CHRM3: variants seen among roughly 807,000 people sequenced by gnomAD.
The protein encoded by CHRM3 is cholinergic receptor muscarinic 3.
A neutral mutation model predicts 41.8 loss-of-function variants in CHRM3; 11 were observed. The ratio of observed to expected loss-of-function variants is 0.26; its 90% CI spans 0.17 to 0.44. The LOEUF (loss-of-function observed/expected upper bound fraction) is 0.44. Among genes scored for constraint, CHRM3 ranks in the 20% least tolerant of loss-of-function variants. The probability of loss-of-function intolerance (pLI) is 1.00; values close to 1 mark genes in which losing one functional copy is unlikely to be tolerated. For missense variants in CHRM3, 571 were observed against 745.4 expected (o/e 0.77, Z 2.72); for synonymous variants, 297 against 301.4 (o/e 0.99, Z 0.15).
chr1:239,549,403 A>G (rs1191469611), intron 3 of CHRM3, among the ~76,000 whole-genome samples: 1 of 151,624 alleles, frequency 6.6e-6, no homozygotes, highest in Non-Finnish European at 1.5e-5. Flanking sequence ...TAATCCCAGC[A>G]CTTTGGGAGG....
At chr1:239,605,294 T>C (rs561754929) in intron 3 of CHRM3, among the ~76,000 whole-genome samples, 108 of 152,282 alleles carry the variant, frequency 7.1e-4, no homozygotes, top group African/African-American at 2.5e-3. Flanking sequence ...GTATCTTTTA[T>C]ATGTTTAGAT....
At position 239,548,384 on chromosome 1, in the gene CHRM3, A is replaced by G. The variant is rs150032048; in HGVS notation, c.-313+2635A>G. 1.3e-4 allele frequency among the ~76,000 whole-genome samples: 20 copies of G among 152,336 alleles called. No individual in the cohort carries two copies. The East Asian group carries it at 3.9e-3, about 29-fold the overall frequency. On this transcript the variant is annotated intron_variant, in intron 3 of 6. Coordinates refer to ENST00000676153, the MANE Select transcript of CHRM3 (RefSeq NM_001375978.1). ...TCCTTATAAACCATCTAAAACAATG[A>G]CAGCGTTTGGTTTGTCCAACTCTGT...
chr1:239,717,550 T>A (rs1018037304), intron 5 of CHRM3, among the ~76,000 whole-genome samples: 1 of 152,164 alleles, frequency 6.6e-6, no homozygotes, highest in Admixed American at 6.6e-5. Context: ...TATCAGTTGG[T>A]TACGGATTGG....
intron 6 of CHRM3, among the ~76,000 whole-genome samples, chr1:239,896,403 T>G (rs73114845): frequency 0.016 from 2,506 of 152,328 alleles, 77 homozygotes; most frequent in African/African-American, 0.057. Flanking sequence ...AAGAACCACA[T>G]CCCCAGTCTA....
intron 3 of CHRM3, among the ~76,000 whole-genome samples, chr1:239,600,731 C>T (rs1665416409): frequency 1.3e-5 from 2 of 150,740 alleles, no homozygotes; most frequent in Non-Finnish European, 3.0e-5. Context: ...CTTCTTCCCT[C>T]CCTCCTTCCC....
chr1:239,576,077 T>C (rs1462909096), intron 3 of CHRM3, among the ~76,000 whole-genome samples: 2 of 152,154 alleles, frequency 1.3e-5, no homozygotes, highest in Non-Finnish European at 2.9e-5. Context: ...TATTTGGCCT[T>C]TTGCAGCTTG....
intron 1 of CHRM3, among the ~76,000 whole-genome samples, chr1:239,479,258 A>G (rs2147989834): frequency 6.6e-6 from 1 of 152,020 alleles, no homozygotes; most frequent in East Asian, 1.9e-4. Flanking sequence ...CAATCTACAG[A>G]TCTAATAACT....
At chr1:239,437,982 G>A (rs1663406877) in intron 1 of CHRM3, among the ~76,000 whole-genome samples, 1 of 152,138 alleles carries the variant, frequency 6.6e-6, no homozygotes, top group South Asian at 2.1e-4. Context: ...CCAGGGTAAT[G>A]GTTGTAGGGA....
intron 6 of CHRM3, chr1:239,886,451 C>T (rs1678081894): frequency 6.6e-6 from 1 of 152,130 alleles, no homozygotes; most frequent in Admixed American, 6.6e-5. Context: ...AGGGCCAGCT[C>T]TTCTGTCTTA....
At chr1:239,689,610 C>T (rs955212500) in intron 5 of CHRM3, among the ~76,000 whole-genome samples, 5 of 152,280 alleles carry the variant, frequency 3.3e-5, no homozygotes, top group South Asian at 2.1e-4. Flanking sequence ...CTTTGCACTA[C>T]GTCTTCAGAG....
chr1:239,726,472 T>G (rs1663447685), intron 5 of CHRM3, among the ~76,000 whole-genome samples: 1 of 151,966 alleles, frequency 6.6e-6, no homozygotes, highest in Non-Finnish European at 1.5e-5. Flanking sequence ...AAAAACCTGA[T>G]GTTCATTTGC....
chr1:239,467,578 G>A (rs951250092), intron 1 of CHRM3, among the ~76,000 whole-genome samples: 3 of 152,174 alleles, frequency 2.0e-5, no homozygotes, highest in African/African-American at 7.2e-5. Flanking sequence ...GGAATCACAG[G>A]TGTGAGCCAC....
chr1:239,634,373 A>AAATG (rs1228999169), intron 4 of CHRM3, among the ~76,000 whole-genome samples: 3 of 87,084 alleles, frequency 3.4e-5, no homozygotes, highest in South Asian at 3.9e-4. Context: ...AAGCAAGAAC[A>AAATG]AACGAAAGAA....
intron 5 of CHRM3, among the ~76,000 whole-genome samples, chr1:239,809,102 C>T (rs1670904092): frequency 6.7e-6 from 1 of 148,950 alleles, no homozygotes; most frequent in Non-Finnish European, 1.5e-5. Context: ...TCACTGCAAG[C>T]TCCGCCTCCC....
chr1:239,622,213 G>A (rs113715339), intron 3 of CHRM3, among the ~76,000 whole-genome samples: 5 of 152,122 alleles, frequency 3.3e-5, no homozygotes, highest in Non-Finnish European at 2.9e-5. Context: ...GCATCTACTC[G>A]TCCAATAGCT....
chr1:239,706,552 G>C (rs1358369356), intron 5 of CHRM3: 1 of 151,486 alleles, frequency 6.6e-6, no homozygotes, highest in Non-Finnish European at 1.5e-5. Context: ...CCCCACACAG[G>C]TGTGTATGTA....
rs145530564 is a variant in CHRM3 at position 239,519,027 on chromosome 1, T to C, written c.-422+26220T>C. Among the ~76,000 whole-genome samples the C allele has an allele frequency of 3.7e-4, 56 of 152,324 alleles. No individual in the cohort carries two copies. The East Asian group carries it at 8.1e-3, about 22-fold the overall frequency. On this transcript the variant is annotated intron_variant, in intron 2 of 6. Coordinates refer to ENST00000676153, the MANE Select transcript of CHRM3 (RefSeq NM_001375978.1). The stretch of plus-strand genomic sequence containing the variant: ...CACTTCCTCTTTCCAGACACCTATT[T>C]ACAAAGTAAAAGTCTCTATTTTTTT...
chr1:239,583,081 T>C (rs1285629218), intron 3 of CHRM3, among the ~76,000 whole-genome samples: 1 of 152,192 alleles, frequency 6.6e-6, no homozygotes, highest in Non-Finnish European at 1.5e-5. Flanking sequence ...TTCCTCACCA[T>C]GGACCATGTG....
chr1:239,455,359 T>A (rs1304892563), intron 1 of CHRM3, among the ~76,000 whole-genome samples: 1 of 151,840 alleles, frequency 6.6e-6, no homozygotes, highest in Non-Finnish European at 1.5e-5. Flanking sequence ...CCTTCTACTT[T>A]TTTTTTTTTA....
Sources: gnomAD v4.1 joint callset for allele counts (sites outside exome capture counted in the v4.1 genomes callset) on GRCh38, gnomAD v4.1.1 for gene constraint, MANE v1.5 for transcripts, NCBI Gene and HGNC (gene_info 2026-07-23, HGNC 2026-07-21) for gene names.